The following TNIK variants were observed in gnomAD, a reference collection of about 807,000 sequenced individuals.
The protein encoded by TNIK is TRAF2 and NCK-interacting protein kinase.
In TNIK, 49 loss-of-function variants were observed where a neutral mutation model predicts 191.3. The observed-to-expected ratio is 0.26, with a 90% CI of 0.20 to 0.32. The LOEUF (loss-of-function observed/expected upper bound fraction) is 0.32. TNIK is among the 10% of genes least tolerant of loss of function. TNIK has a pLI of 1.00. For missense variants in TNIK, 1,155 were observed against 1,702.3 expected, an observed-to-expected ratio of 0.68 and a Z score of 5.66; for synonymous variants, 594 against 600.9, an observed-to-expected ratio of 0.99 and a Z score of 0.17.
At chr3:171,112,495 TA>T (rs1480493276) in intron 18 of TNIK, among the ~76,000 whole-genome samples, 10 of 152,270 alleles carry the variant, frequency 6.6e-5, no homozygotes, top group Non-Finnish European at 1.5e-4. Flanking sequence ...TGAAAAATAT[TA>T]AAAGGGAAAA....
At chr3:171,336,419 C>A (rs1048458327) in intron 2 of TNIK, among the ~76,000 whole-genome samples, 7 of 152,140 alleles carry the variant, frequency 4.6e-5, no homozygotes, top group Admixed American at 2.0e-4. Flanking sequence ...TGTCTCCCTC[C>A]TCTCTCTCAG....
At chr3:171,099,114 C>T (rs16855813) in intron 22 of TNIK, among the ~76,000 whole-genome samples, 6 of 151,982 alleles carry the variant, frequency 3.9e-5, no homozygotes, top group Admixed American at 6.6e-5. Context: ...ATAGTAATAG[C>T]GCCTCTGAAT....
At chr3:171,407,807 G>T (rs1721896275) in intron 1 of TNIK, among the ~76,000 whole-genome samples, 1 of 152,120 alleles carries the variant, frequency 6.6e-6, no homozygotes, top group Non-Finnish European at 1.5e-5. Context: ...GTTTCAACAG[G>T]CGCCCATCTA....
chr3:171,321,808 AATAAAT>A (rs1277938131), intron 2 of TNIK, among the ~76,000 whole-genome samples: 1 of 152,222 alleles, frequency 6.6e-6, no homozygotes, highest in Non-Finnish European at 1.5e-5. Context: ...CTATTTTAAA[AATAAAT>A]ATAGTTTGGA....
chr3:171,367,725 C>A (rs534868366), intron 2 of TNIK, among the ~76,000 whole-genome samples: 1 of 152,304 alleles, frequency 6.6e-6, no homozygotes, highest in Non-Finnish European at 1.5e-5. Context: ...CTGCCTTGGC[C>A]TCCCAAAGTG....
At chr3:171,072,191 G>A (rs567385916) in intron 28 of TNIK, among the ~76,000 whole-genome samples, 15 of 152,182 alleles carry the variant, frequency 9.9e-5, no homozygotes, top group Admixed American at 2.6e-4. Flanking sequence ...TAGAGAATTC[G>A]TAATCCACAG....
chr3:171,140,399 C>T lies in TNIK; in HGVS notation c.1332G>A (p.Gln444=). 1.3e-6 allele frequency: 2 copies of T among 1,579,258 alleles called. No individual in the cohort carries two copies. The highest frequency in any genetic ancestry group is 2.3e-5 in the East Asian group (1 of 43,938). The part of the protein sequence containing the change: ...EEERRRAEHE[Q]EYIRRQLEEE... The stretch of plus-strand genomic sequence containing the variant: ...GTGGGGCTCCTGGTCCCAGCTGTAC[C>T]TGTTCATGCTCCGCACGCCTCCTCT... The change falls in exon 13 of 33, where the codon CAG becomes CAA. Residue 444 remains glutamine, a splice_region_variant and synonymous_variant. Coordinates refer to ENST00000436636, the MANE Select transcript of TNIK (RefSeq NM_015028.4).
At chr3:171,275,845 C>T (rs1013845281) in intron 2 of TNIK, among the ~76,000 whole-genome samples, 5 of 151,732 alleles carry the variant, frequency 3.3e-5, no homozygotes, top group East Asian at 1.9e-4. Flanking sequence ...TGCAGTGAGC[C>T]GAGATCGTGC....
intron 2 of TNIK, among the ~76,000 whole-genome samples, chr3:171,292,905 C>A (rs979830613): frequency 6.6e-6 from 1 of 152,098 alleles, no homozygotes; most frequent in African/African-American, 2.4e-5. Context: ...CACAGGCTCC[C>A]TAGACTCTTT....
chr3:171,115,547 AGAACTT>A (rs1272818428), intron 18 of TNIK, among the ~76,000 whole-genome samples: 2 of 152,352 alleles, frequency 1.3e-5, no homozygotes, highest in East Asian at 3.9e-4. Flanking sequence ...TGAAGGAGCA[AGAACTT>A]GACTGGGTGT....
chr3:171,369,446 G>A (rs1468258211), intron 2 of TNIK, among the ~76,000 whole-genome samples, 174 bp downstream of exon 2: 1 of 152,132 alleles, frequency 6.6e-6, no homozygotes, highest in East Asian at 1.9e-4. Flanking sequence ...ACAGAATCCA[G>A]TTTAAGCAAC....
chr3:171,240,271 G>A (rs920404117), intron 2 of TNIK, among the ~76,000 whole-genome samples: 18 of 152,156 alleles, frequency 1.2e-4, no homozygotes, highest in African/African-American at 3.1e-4. Context: ...TAGTCTAGGA[G>A]AGAATTGACT....
intron 2 of TNIK, among the ~76,000 whole-genome samples, chr3:171,350,455 T>C (rs1369540692): frequency 7.9e-5 from 12 of 152,166 alleles, no homozygotes; most frequent in Non-Finnish European, 1.5e-5. Flanking sequence ...GATGACTACA[T>C]CTGATAATGC....
chr3:171,379,749 G>A (rs933988150), intron 1 of TNIK, among the ~76,000 whole-genome samples: 1 of 152,168 alleles, frequency 6.6e-6, no homozygotes. Flanking sequence ...AGTGGCTCAC[G>A]CCTGTAATCC....
intron 1 of TNIK, among the ~76,000 whole-genome samples, chr3:171,428,820 C>T (rs1256957497): frequency 6.6e-6 from 1 of 152,130 alleles, no homozygotes; most frequent in Non-Finnish European, 1.5e-5. Context: ...ATCATTCCTT[C>T]CATAGCCTCC....
intron 1 of TNIK, among the ~76,000 whole-genome samples, chr3:171,455,352 T>C (rs1728669562): frequency 6.6e-6 from 1 of 151,588 alleles, no homozygotes; most frequent in Admixed American, 6.6e-5. Context: ...CAAACTATCT[T>C]CCCACCTCAG....
intron 9 of TNIK, among the ~76,000 whole-genome samples, chr3:171,171,755 T>C (rs562973574): frequency 6.6e-6 from 1 of 152,004 alleles, no homozygotes; most frequent in South Asian, 2.1e-4. Context: ...TAGGAGAAAA[T>C]CTTTTGAAGG....
chr3:171,267,891 G>A (rs190432695), intron 2 of TNIK, among the ~76,000 whole-genome samples: 268 of 152,238 alleles, frequency 1.8e-3, no homozygotes, highest in Non-Finnish European at 3.2e-3. Context: ...TAGGACCTAC[G>A]GATTCAACAA....
intron 1 of TNIK, among the ~76,000 whole-genome samples, chr3:171,374,849 T>C (rs1006563514): frequency 6.6e-5 from 10 of 152,204 alleles, no homozygotes; most frequent in African/African-American, 2.4e-4. Flanking sequence ...GAATAGCTCA[T>C]TTATCACAGC....
Sources: gnomAD v4.1 joint callset for allele counts (sites outside exome capture counted in the v4.1 genomes callset) on GRCh38, gnomAD v4.1.1 for gene constraint, MANE v1.5 for transcripts, NCBI Gene and HGNC (gene_info 2026-07-23, HGNC 2026-07-21) for gene names.